The following MTURN variants were observed in gnomAD, a reference collection of about 807,000 sequenced individuals.
MTURN encodes the protein maturin, neural progenitor differentiation regulator homolog, also known as maturin.
A neutral mutation model predicts 14.9 loss-of-function variants in MTURN; 7 were observed. That is an observed-to-expected ratio of 0.47 (90% CI 0.27 to 0.88). The LOEUF is 0.88. Among genes scored for constraint, MTURN ranks in the 40% least tolerant of loss-of-function variants. The pLI is 0.14. For missense variants in MTURN, 151 were observed against 174.1 expected (o/e 0.87, Z 0.75); for synonymous variants, 69 against 72.5 (o/e 0.95, Z 0.25).
rs1175720530 is a variant in MTURN at position 30,158,565 on chromosome 7, CAT to C, written c.*1018_*1019del. ...TGTAATTTATTTAAAAATTTAATCACATGTTTCGAGGGACTTAATTGTGGTGT... is the reference window on the plus strand; with the variant it reads ...TGTAATTTATTTAAAAATTTAATCACGTTTCGAGGGACTTAATTGTGGTGT... On this transcript the variant is annotated 3_prime_UTR_variant, in exon 3 of 3. Coordinates refer to ENST00000324453, the MANE Select transcript of MTURN (RefSeq NM_152793.3). 4 of 151,184 alleles carry C rather than the reference CAT, an allele frequency of 2.6e-5. No homozygotes were observed. Among genetic ancestry groups the C allele is most frequent in the East Asian group, 1.9e-4 (1 of 5,144 alleles). 9.4% of individuals were successfully genotyped at this position (151,184 alleles called of 1,614,324 possible).
At chr7:30,135,828 C>T (rs1168658636) in intron 1 of MTURN, among the ~76,000 whole-genome samples, 1 of 152,244 alleles carries the variant, frequency 6.6e-6, no homozygotes, top group Non-Finnish European at 1.5e-5. Context: ...GAACCCCACT[C>T]CCCGCCCTCG....
At chr7:30,156,643 G>T (rs1045813032) in intron 2 of MTURN, among the ~76,000 whole-genome samples, 1 of 152,136 alleles carries the variant, frequency 6.6e-6, no homozygotes, top group Admixed American at 6.5e-5. Context: ...AGGCCAACAT[G>T]GTGAAACCCT....
intron 1 of MTURN, 129 bp downstream of exon 1, chr7:30,135,427 G>T (rs1796933857): frequency 1.3e-6 from 1 of 761,760 alleles, no homozygotes; most frequent in African/African-American, 1.9e-5. Flanking sequence ...CGCGCCCCGC[G>T]CCCCGCGTGC....
chr7:30,152,686 C>T (rs1036590314), intron 2 of MTURN, among the ~76,000 whole-genome samples: 1 of 152,202 alleles, frequency 6.6e-6, no homozygotes, highest in East Asian at 1.9e-4. Context: ...ACCTCCCCTT[C>T]CTTTATGAAG....
intron 2 of MTURN, among the ~76,000 whole-genome samples, chr7:30,157,078 A>C (rs1316325408): frequency 6.6e-6 from 1 of 152,162 alleles, no homozygotes; most frequent in African/African-American, 2.4e-5. Flanking sequence ...ATACAGAATC[A>C]GTTTTTGACA....
chr7:30,149,426 G>A (rs1797175198), intron 2 of MTURN, among the ~76,000 whole-genome samples: 1 of 152,204 alleles, frequency 6.6e-6, no homozygotes, highest in South Asian at 2.1e-4. Context: ...GTTTACCCCT[G>A]AGGGCAAGGC....
intron 2 of MTURN, among the ~76,000 whole-genome samples, chr7:30,149,056 C>T (rs952734920): frequency 6.6e-6 from 1 of 152,124 alleles, no homozygotes; most frequent in Non-Finnish European, 1.5e-5. Flanking sequence ...ACTGGCTCAC[C>T]TGGGAAGGGG....
At chr7:30,146,125 T>G in intron 1 of MTURN, 52 bp from the exon 2 acceptor site, 1 of 1,611,612 alleles carries the variant, frequency 6.2e-7, no homozygotes, top group East Asian at 2.2e-5. Context: ...TCACACTGAG[T>G]GTAGTGACTG....
intron 2 of MTURN, among the ~76,000 whole-genome samples, chr7:30,149,105 G>A (rs1373549209): frequency 1.3e-5 from 2 of 152,104 alleles, no homozygotes; most frequent in Non-Finnish European, 1.5e-5. Context: ...TTTCCTTACC[G>A]AGGCTCTGGT....
At chr7:30,141,651 T>C (rs1797054769) in intron 1 of MTURN, among the ~76,000 whole-genome samples, 1 of 152,036 alleles carries the variant, frequency 6.6e-6, no homozygotes, top group Non-Finnish European at 1.5e-5. Flanking sequence ...TCCTGGCAAG[T>C]AGCCAGGACT....
rs546161603 is a variant in MTURN, at chr7:30,157,491, C to T, written c.339C>T (p.Asp113=). The part of the protein sequence containing the change: ...DDDAFEEYSA[D]VEEEEPEADH... ...ATGCGTTTGAAGAGTACAGTGCTGA[C>T]GTGGAAGAAGAGGAGCCAGAGGCGG... Residue 113 remains aspartate (D), a synonymous_variant, in exon 3 of 3, where the codon GAC becomes GAT. Coordinates refer to ENST00000324453, the MANE Select transcript of MTURN (RefSeq NM_152793.3). 9.3e-6 allele frequency: 15 copies of T among 1,607,074 alleles called. No individual in the cohort carries two copies. In the Admixed American group the frequency reaches 1.2e-4, roughly 13 times the overall value.
At chr7:30,154,243 C>G (rs75654781) in intron 2 of MTURN, among the ~76,000 whole-genome samples, 4,265 of 152,292 alleles carry the variant, frequency 0.028, 95 homozygotes, top group Admixed American at 0.066. Flanking sequence ...GAAAACCAAC[C>G]TCCTGCAATC....
intron 2 of MTURN, among the ~76,000 whole-genome samples, chr7:30,154,206 G>A (rs1285613468): frequency 2.6e-5 from 4 of 152,160 alleles, no homozygotes; most frequent in African/African-American, 9.7e-5. Flanking sequence ...GAAGAACCAC[G>A]TGGTCCCGTG....
chr7:30,153,961 G>A lies in MTURN; in HGVS notation c.286-3477G>A, dbSNP rs182821138. Among the ~76,000 whole-genome samples the A allele has an allele frequency of 2.5e-3, 380 of 152,184 alleles. 1 individual carries two copies. The highest frequency in any genetic ancestry group is 3.9e-3 in the Non-Finnish European group (265 of 68,004). On this transcript the variant is annotated intron_variant, in intron 2 of 2. Coordinates refer to ENST00000324453, the MANE Select transcript of MTURN (RefSeq NM_152793.3). ...TCAAACTCCTGTCCTCAAGTGATCC[G>A]CCTGCCTCGGCCTCCCAAAGTGCTG...
intron 1 of MTURN, chr7:30,137,597 T>G: frequency 2.1e-6 from 1 of 471,140 alleles, no homozygotes; most frequent in Non-Finnish European, 4.4e-6. Flanking sequence ...ATTCCTTGGG[T>G]AGAATGGAAC....
intron 2 of MTURN, among the ~76,000 whole-genome samples, chr7:30,155,732 A>G (rs1449855791): frequency 6.6e-6 from 1 of 152,208 alleles, no homozygotes. Context: ...AATGCCTAGC[A>G]GATGATTTTG....
At chr7:30,139,405 TA>T (rs1273071286) in intron 1 of MTURN, among the ~76,000 whole-genome samples, 1 of 152,212 alleles carries the variant, frequency 6.6e-6, no homozygotes, top group Non-Finnish European at 1.5e-5. Context: ...CCACAGTTAA[TA>T]AGTGGTAGAG....
chr7:30,146,816 C>G (rs1797137520), intron 2 of MTURN, among the ~76,000 whole-genome samples: 2 of 152,128 alleles, frequency 1.3e-5, no homozygotes, highest in Admixed American at 1.3e-4. Flanking sequence ...TTGTTTTCCC[C>G]TTTTGGGATT....
intron 2 of MTURN, among the ~76,000 whole-genome samples, chr7:30,154,796 G>T (rs1026123080): frequency 2.0e-5 from 3 of 152,230 alleles, no homozygotes; most frequent in Non-Finnish European, 4.4e-5. Flanking sequence ...CAGAAGGGCA[G>T]TGAGTGAGCA....
Sources: gnomAD v4.1 joint callset for allele counts (sites outside exome capture counted in the v4.1 genomes callset) on GRCh38, gnomAD v4.1.1 for gene constraint, MANE v1.5 for transcripts, NCBI Gene and HGNC (gene_info 2026-07-23, HGNC 2026-07-21) for gene names.